ROCK2: variants seen among roughly 807,000 people sequenced by gnomAD.
ROCK2 encodes the protein rho-associated protein kinase 2.
Under a neutral mutation model 195.1 loss-of-function variants are expected in ROCK2, and 61 were observed. The observed-to-expected ratio is 0.31, with a 90% confidence interval of 0.25 to 0.39. The LOEUF is 0.39. Ranked by LOEUF, ROCK2 falls within the 10% of genes least tolerant of loss-of-function variation. ROCK2 has a pLI of 1.00. For missense variants in ROCK2, 1,109 were observed against 1,637.4 expected (o/e 0.68, Z 5.57); for synonymous variants, 504 against 545.5 (o/e 0.92, Z 1.06).
chr2:11,203,925 A>C (rs1341794810), intron 20 of ROCK2, among the ~76,000 whole-genome samples: 1 of 152,224 alleles, frequency 6.6e-6, no homozygotes, highest in Non-Finnish European at 1.5e-5. Flanking sequence ...AAGAGCTGAT[A>C]TCTTTCATTT....
At position 11,263,464 on chromosome 2, in the gene ROCK2, A is replaced by G. The variant is rs564722765; in HGVS notation, c.325-13666T>C. On this transcript the variant is annotated intron_variant, in intron 3 of 32. Coordinates refer to ENST00000315872, the MANE Select transcript of ROCK2 (RefSeq NM_004850.5). ...CTTTTCTTCCTGCTGCTCTACAGAT[A>G]TTCCTCCAAAACTGTGTTCCTGACT... 1.2e-3 allele frequency among the ~76,000 whole-genome samples: 186 copies of G among 152,228 alleles called. 1 individual carries two copies. The highest frequency in any genetic ancestry group is 2.0e-3 in the Non-Finnish European group (135 of 68,010).
At chr2:11,194,066 T>C in intron 29 of ROCK2, 190 bp downstream of exon 29, 1 of 460,296 alleles carries the variant, frequency 2.2e-6, no homozygotes, top group Admixed American at 4.0e-5. Flanking sequence ...AAAAATAATG[T>C]ATCAAAGGCC....
At chr2:11,310,306 A>G (rs6736240) in intron 1 of ROCK2, among the ~76,000 whole-genome samples, 111,653 of 151,990 alleles carry the variant, frequency 0.73, 42,765 homozygotes, top group East Asian at 0.94. Flanking sequence ...CCATCACTGT[A>G]AAGTCTTATT....
intron 7 of ROCK2, 89 bp from the exon 8 acceptor site, chr2:11,222,263 C>G: frequency 1.4e-6 from 1 of 719,274 alleles, no homozygotes; most frequent in Admixed American, 2.4e-5. Context: ...AAATAAAGAT[C>G]TCAAGTAAAT....
intron 3 of ROCK2, among the ~76,000 whole-genome samples, chr2:11,276,154 C>G (rs187590656): frequency 1.4e-4 from 22 of 152,260 alleles, no homozygotes; most frequent in African/African-American, 5.3e-4. Flanking sequence ...AGATAAAGAA[C>G]AAGAAAAGGC....
At chr2:11,326,895 T>C (rs975814329) in intron 1 of ROCK2, among the ~76,000 whole-genome samples, 2 of 152,186 alleles carry the variant, frequency 1.3e-5, no homozygotes, top group African/African-American at 4.8e-5. Context: ...TGGGTTCTGT[T>C]TTCCCATGAA....
At chr2:11,205,757 G>A (rs540069792) in intron 20 of ROCK2, among the ~76,000 whole-genome samples, 120 of 152,212 alleles carry the variant, frequency 7.9e-4, no homozygotes, top group Non-Finnish European at 1.2e-3. Context: ...TTACACCTAA[G>A]AGGGATGTAA....
chr2:11,320,587 G>A (rs1216327048), intron 1 of ROCK2, among the ~76,000 whole-genome samples: 15 of 152,182 alleles, frequency 9.9e-5, no homozygotes, highest in Non-Finnish European at 1.5e-5. Context: ...ACTCTAGTCT[G>A]ATAATGGGTT....
chr2:11,198,448 T>C, intron 25 of ROCK2, 43 bp downstream of exon 25: 1 of 1,344,854 alleles, frequency 7.4e-7, no homozygotes, highest in South Asian at 1.2e-5. Flanking sequence ...AGAGATAAAC[T>C]GAGACAAAAT....
chr2:11,218,484 GAA>G lies in ROCK2; in HGVS notation c.1321-20_1321-19del, dbSNP rs1241200384. 4.0e-6 allele frequency: 6 copies of G among 1,495,120 alleles called. No homozygotes were observed. The highest frequency in any genetic ancestry group is 5.5e-6 in the Non-Finnish European group (6 of 1,095,780). The allele number at this position is 1,495,120 out of a possible 1,614,324, so 92.6% of individuals were successfully genotyped here. On this transcript the variant is annotated intron_variant, in intron 10 of 32. Transcript: ENST00000315872. The stretch of plus-strand genomic sequence containing the variant: ...TGACTTTCCTATTTAAAACAAAACA[GAA>G]AACACATTAAAATACTAAAATGATG...
At chr2:11,262,625 C>T (rs1666269962) in intron 3 of ROCK2, among the ~76,000 whole-genome samples, 1 of 152,150 alleles carries the variant, frequency 6.6e-6, no homozygotes, top group South Asian at 2.1e-4. Context: ...TCTTTGCCTG[C>T]TGCCATCCAT....
In ROCK2 at chr2:11,312,909, T is replaced by C. The variant is rs961700004; in HGVS notation, c.142-25173A>G. Among the ~76,000 whole-genome samples, 9 of 152,032 alleles carry C rather than the reference T, an allele frequency of 5.9e-5. No individual in the cohort carries two copies. The South Asian group carries it at 8.3e-4, about 14-fold the overall frequency. On this transcript the variant is annotated intron_variant, in intron 1 of 32. Transcript: ENST00000315872. The stretch of plus-strand genomic sequence containing the variant: ...CTGGACAATTCCATTTATATGACAT[T>C]CTGGAAAAGGCAAAACTAGAGATAG...
At chr2:11,334,715 G>A (rs976359150) in intron 1 of ROCK2, among the ~76,000 whole-genome samples, 4 of 141,468 alleles carry the variant, frequency 2.8e-5, no homozygotes, top group Admixed American at 1.4e-4. Flanking sequence ...GACAATACCA[G>A]CCCTGCTCTG....
chr2:11,339,947 A>G (rs553114007), intron 1 of ROCK2, among the ~76,000 whole-genome samples: 3 of 152,316 alleles, frequency 2.0e-5, no homozygotes, highest in Admixed American at 2.0e-4. Context: ...TTCGTAACTT[A>G]TATTTGCATA....
At chr2:11,260,004 A>C (rs1184159829) in intron 3 of ROCK2, among the ~76,000 whole-genome samples, 2 of 151,608 alleles carry the variant, frequency 1.3e-5, no homozygotes, top group Admixed American at 6.5e-5. Flanking sequence ...AATTTAAGGA[A>C]TGAATTATCC....
chr2:11,201,452 A>ATT lies in ROCK2; in HGVS notation c.2620-40_2620-39insAA. Reference sequence around the variant, plus strand: ...TACAACAGAAATGCGTATCATCATCAGAAATATTACTTCTACATTCAAAAG... The same window carrying ATT: ...TACAACAGAAATGCGTATCATCATCATTGAAATATTACTTCTACATTCAAAAG... On this transcript the variant is annotated intron_variant, in intron 21 of 32. Transcript: ENST00000315872. This position sits in a 1 kb window ranked among gnomAD's most constrained non-coding sequence, Gnocchi z 4.6. The ATT allele has an allele frequency of 9.4e-7, 1 of 1,060,114 alleles. No individual in the cohort carries two copies. The highest frequency in any genetic ancestry group is 1.5e-6 in the Non-Finnish European group (1 of 683,238). The allele number at this position is 1,060,114 out of a possible 1,614,324, so 65.7% of individuals were successfully genotyped here.
At chr2:11,278,573 A>G (rs1485556460) in intron 3 of ROCK2, among the ~76,000 whole-genome samples, 5 of 152,186 alleles carry the variant, frequency 3.3e-5, no homozygotes, top group Admixed American at 3.3e-4. Context: ...CTTTAGATAT[A>G]TACCTACTAG....
chr2:11,230,891 TC>T (rs1179537092), intron 5 of ROCK2, among the ~76,000 whole-genome samples: 2 of 152,148 alleles, frequency 1.3e-5, no homozygotes, highest in African/African-American at 4.8e-5. Flanking sequence ...AATAACAGAA[TC>T]ACTGAATGCT....
At position 11,222,112 on chromosome 2, in the gene ROCK2, T is replaced by C; in HGVS notation, c.1070A>G (p.Asp357Gly). ...TCTTATGTTATCCCAATGCCACTGA[T>C]CATTCTTAAAGAAAGGATGCTGTCT... ...EIRQHPFFKN[D>G]QWHWDNIRET... Residue 357 changes from aspartate (D) to glycine (G), a missense_variant, in exon 8 of 33, where the codon GAT becomes GGT. By Grantham distance (94) the Asp-to-Gly change is moderately conservative. This residue lies in a region of ROCK2 where 253 missense variants were observed against 455.5 expected (regional missense o/e 0.56). Transcript: ENST00000315872. The C allele has an allele frequency of 6.2e-7, 1 of 1,610,400 alleles. No homozygotes were observed. Among genetic ancestry groups the C allele is most frequent in the Non-Finnish European group, 8.5e-7 (1 of 1,177,074 alleles).
Sources: gnomAD v4.1 joint callset for allele counts (sites outside exome capture counted in the v4.1 genomes callset) on GRCh38, gnomAD v4.1.1 for gene constraint, gnomAD v4.1.1 regional missense constraint, Gnocchi (gnomAD v3.1) non-coding constraint, MANE v1.5 for transcripts, NCBI Gene and HGNC (gene_info 2026-07-23, HGNC 2026-07-21) for gene names.